SPAM1: variants seen among roughly 807,000 people sequenced by gnomAD.
The protein encoded by SPAM1 is hyaluronidase PH-20.
SPAM1 carries 22 observed loss-of-function variants against 29.6 expected under a neutral mutation model. The ratio of observed to expected loss-of-function variants is 0.74; its 90% confidence interval spans 0.53 to 1.06. SPAM1 has a LOEUF of 1.06. Among genes scored for constraint, SPAM1 ranks in the 50% least tolerant of loss-of-function variants. SPAM1 has a pLI of 0.00. For synonymous variants in SPAM1, 194 were observed against 204.6 expected (o/e 0.95, Z 0.44); for missense variants, 534 against 604.0 (o/e 0.88, Z 1.21).
intron 1 of SPAM1, among the ~76,000 whole-genome samples, chr7:123,927,205 T>TA (rs1807914786): frequency 1.4e-5 from 2 of 148,026 alleles, no homozygotes; most frequent in South Asian, 2.1e-4. Context: ...TTGGGTAAGA[T>TA]AAAAAATCAG....
At chr7:123,957,451 G>GGGTT (rs751729463) in intron 4 of SPAM1, among the ~76,000 whole-genome samples, 1 of 151,964 alleles carries the variant, frequency 6.6e-6, no homozygotes, top group Non-Finnish European at 1.5e-5. Context: ...GAGGAAGCAA[G>GGGTT]GGTTATACAA....
At chr7:123,937,918 G>A (rs1252447716) in intron 1 of SPAM1, among the ~76,000 whole-genome samples, 5 of 152,156 alleles carry the variant, frequency 3.3e-5, no homozygotes, top group Non-Finnish European at 7.4e-5. Context: ...CAGAAAAAAA[G>A]TCATTGTCAA....
At chr7:123,960,661 C>T (rs545654993), downstream of SPAM1, among the ~76,000 whole-genome samples, 22 of 151,904 alleles carry the variant, frequency 1.4e-4, no homozygotes, top group Admixed American at 9.9e-4. Context: ...ATATTACTAC[C>T]GCCTCCTTCC....
chr7:123,963,050 A>G (rs2117076102), downstream of SPAM1, among the ~76,000 whole-genome samples: 1 of 152,012 alleles, frequency 6.6e-6, no homozygotes, highest in East Asian at 1.9e-4. Context: ...TTTTTTCTCG[A>G]CCAAAAATTT....
chr7:123,958,586 G>A (rs977414751), intron 4 of SPAM1, among the ~76,000 whole-genome samples: 1 of 152,002 alleles, frequency 6.6e-6, no homozygotes. Context: ...CCAACACTGT[G>A]GAAGGATGGG....
At chr7:123,960,411 C>T (rs1235505895), downstream of SPAM1, among the ~76,000 whole-genome samples, 1 of 151,906 alleles carries the variant, frequency 6.6e-6, no homozygotes, top group Admixed American at 6.6e-5. Context: ...TATTTCTCCT[C>T]TGCTCAGAAT....
chr7:123,929,583 A>C (rs1252698158), intron 1 of SPAM1, among the ~76,000 whole-genome samples: 1 of 152,074 alleles, frequency 6.6e-6, no homozygotes, highest in Non-Finnish European at 1.5e-5. Flanking sequence ...TTTTTATTTT[A>C]AAAGATCTGC....
intron 1 of SPAM1, among the ~76,000 whole-genome samples, chr7:123,937,295 C>T (rs950350782): frequency 1.3e-5 from 2 of 152,054 alleles, no homozygotes; most frequent in African/African-American, 2.4e-5. Flanking sequence ...TTTAGAGTCA[C>T]ATAGCTTCTT....
At chr7:123,946,765 G>C (rs961819845) in intron 1 of SPAM1, among the ~76,000 whole-genome samples, 2 of 152,088 alleles carry the variant, frequency 1.3e-5, no homozygotes, top group African/African-American at 2.4e-5. Context: ...ATTTAGTCTG[G>C]TTCAGTGAAT....
At chr7:123,970,317 T>C (rs1237668459) in intron 6 of SPAM1, 1 of 1,511,626 alleles carries the variant, frequency 6.6e-7, no homozygotes, top group African/African-American at 1.4e-5. Context: ...TCTCCTTGTG[T>C]CTTCCATATG....
intron 1 of SPAM1, among the ~76,000 whole-genome samples, chr7:123,945,475 A>G (rs1584954028): frequency 6.6e-6 from 1 of 152,268 alleles, no homozygotes; most frequent in East Asian, 1.9e-4. Flanking sequence ...TGCCAAGGTC[A>G]AATCCTCTCT....
At chr7:123,933,584 A>T (rs1808156762) in intron 1 of SPAM1, among the ~76,000 whole-genome samples, 1 of 152,212 alleles carries the variant, frequency 6.6e-6, no homozygotes, top group Non-Finnish European at 1.5e-5. Context: ...ATTATTTAAT[A>T]GGATTGTTTG....
chr7:123,928,888 G>C (rs914733540), intron 1 of SPAM1, among the ~76,000 whole-genome samples: 4 of 152,096 alleles, frequency 2.6e-5, no homozygotes, highest in African/African-American at 9.7e-5. Context: ...GGTGGGATTT[G>C]AATTAACCCT....
intron 1 of SPAM1, chr7:123,932,204 G>A (rs763981520): frequency 2.6e-5 from 4 of 152,198 alleles, no homozygotes; most frequent in African/African-American, 7.2e-5. Context: ...GAGCAGCCAC[G>A]TCAAGTGGTA....
At chr7:123,942,841 C>G (rs1052060917) in intron 1 of SPAM1, among the ~76,000 whole-genome samples, 1 of 152,174 alleles carries the variant, frequency 6.6e-6, no homozygotes, top group Non-Finnish European at 1.5e-5. Flanking sequence ...GAGTCTGTAT[C>G]TGAAAGAATT....
chr7:123,967,703 T>C (rs1370752616), intron 5 of SPAM1, among the ~76,000 whole-genome samples: 1 of 151,564 alleles, frequency 6.6e-6, no homozygotes, highest in Non-Finnish European at 1.5e-5. Flanking sequence ...GGGGATGTGG[T>C]GGGAGATGGG....
intron 5 of SPAM1, among the ~76,000 whole-genome samples, chr7:123,965,135 T>C (rs747297707): frequency 6.6e-6 from 1 of 152,032 alleles, no homozygotes; most frequent in Non-Finnish European, 1.5e-5. Flanking sequence ...TAATAAGTCC[T>C]AGAGGCTGAA....
chr7:123,960,063 A>G (rs1386861138), downstream of SPAM1: 1 of 1,493,704 alleles, frequency 6.7e-7, no homozygotes, highest in East Asian at 2.3e-5. Flanking sequence ...TTGTTGAAAG[A>G]TCATTTTTGG....
chr7:123,931,805 G>A (rs994073506), intron 1 of SPAM1, among the ~76,000 whole-genome samples: 1 of 152,034 alleles, frequency 6.6e-6, no homozygotes, highest in East Asian at 1.9e-4. Context: ...AGAAATCAAA[G>A]AACATATCCT....
Sources: allele counts gnomAD v4.1 joint callset (sites outside exome capture counted in the v4.1 genomes callset), GRCh38; gene constraint gnomAD v4.1.1; transcripts MANE v1.5; gene names NCBI Gene and HGNC (gene_info 2026-07-23, HGNC 2026-07-21).